The following CAPN6 variants were observed in gnomAD, a reference collection of about 807,000 sequenced individuals.
CAPN6 encodes the protein calpain 6, also known as calpain-6.
CAPN6 carries 16 observed loss-of-function variants against 46.0 expected under a neutral mutation model. The observed-to-expected ratio is 0.35, with a 90% CI of 0.24 to 0.53. CAPN6 has a LOEUF of 0.53. Ranked by LOEUF, CAPN6 falls within the 20% of genes least tolerant of loss-of-function variation. The pLI, the probability that CAPN6 is intolerant of heterozygous loss-of-function variation, is 0.94. For missense variants in CAPN6, 461 were observed against 498.0 expected, an observed-to-expected ratio of 0.93 and a Z score of 0.71; for synonymous variants, 206 against 172.8, an observed-to-expected ratio of 1.19 and a Z score of -1.51.
At chrX:111,263,069 C>T (rs2094989095) in intron 2 of CAPN6, among the ~76,000 whole-genome samples, 1 of 112,257 alleles carries the variant, frequency 8.9e-6, no homozygotes, top group Admixed American at 9.4e-5. Context: ...TGACAGGTAA[C>T]TCAGTAAAGA....
At chrX:111,249,111 C>G (rs17880042) in intron 8 of CAPN6, 54 bp from the exon 9 acceptor site, 6 of 1,166,581 alleles carry the variant, frequency 5.1e-6, no homozygotes, top group Admixed American at 2.3e-5. Context: ...TTCATATGAA[C>G]GAGCTTAAAT....
chrX:111,251,646 C>T lies in CAPN6; in HGVS notation c.796G>A (p.Glu266Lys). Reference protein sequence around the residue: ...MTDIRKIRLGERLVEVFSAEK... With the variant: ...MTDIRKIRLGKRLVEVFSAEK... ...GCACTGAAGACTTCCACAAGTCTCT[C>T]TCCAAGACGAATTTTGCGAATATCA... Residue 266 changes from glutamate (E) to lysine (K), a missense_variant, in exon 6 of 13, where the codon GAG (glutamate) becomes AAG (lysine). Coordinates refer to ENST00000324068, the MANE Select transcript of CAPN6 (RefSeq NM_014289.4). The T allele has an allele frequency of 8.3e-7, 1 of 1,209,442 alleles. No homozygotes were observed. The highest frequency in any genetic ancestry group is 1.1e-6 in the Non-Finnish European group (1 of 893,306).
At chrX:111,253,285 TA>T in intron 3 of CAPN6, 69 bp from the exon 4 acceptor site, 1 of 870,771 alleles carries the variant, frequency 1.1e-6, no homozygotes, top group Non-Finnish European at 1.7e-6. Flanking sequence ...GATTACAGTT[TA>T]CTCCTGGCAA....
Position 111,248,738 on chromosome X carries a change from G to C in CAPN6, c.1315C>G (p.Leu439Val). 8.3e-7 allele frequency: 1 copy of C among 1,211,424 alleles called. No individual in the cohort carries two copies. The highest frequency in any genetic ancestry group is 1.1e-6 in the Non-Finnish European group (1 of 895,247). Residue 439 changes from leucine (L) to valine (V), a missense_variant, in exon 10 of 13, where the codon CTC (leucine) becomes GTC (valine). Coordinates refer to ENST00000324068, the MANE Select transcript of CAPN6 (RefSeq NM_014289.4). The stretch of plus-strand genomic sequence containing the variant: ...GTCCCAGCACGCTCCTGGATGTAGA[G>C]GTGGTGGAGGCGGAATTTGCGGTTC... Reference protein sequence around the residue: ...EMNRKFRLHHLYIQERAGTST... With the variant: ...EMNRKFRLHHVYIQERAGTST...
intron 10 of CAPN6, among the ~76,000 whole-genome samples, chrX:111,248,341 C>T (rs2094976249): frequency 8.9e-6 from 1 of 112,230 alleles, no homozygotes; most frequent in Non-Finnish European, 1.9e-5. Flanking sequence ...GACTATAGGC[C>T]TGTTCCTCTT....
chrX:111,258,666 C>T (rs748810297), intron 2 of CAPN6, among the ~76,000 whole-genome samples: 1 of 111,491 alleles, frequency 9.0e-6, no homozygotes, highest in East Asian at 2.8e-4. Flanking sequence ...CTTCCTAACC[C>T]ATCCAAGGAA....
chrX:111,265,927 A>G (rs1175638696), intron 1 of CAPN6, among the ~76,000 whole-genome samples: 1 of 111,467 alleles, frequency 9.0e-6, no homozygotes, highest in Non-Finnish European at 1.9e-5. Context: ...CACCAATTGA[A>G]AGGAAAATCA....
At chrX:111,264,438 A>C (rs2094990283) in intron 1 of CAPN6, among the ~76,000 whole-genome samples, 1 of 111,865 alleles carries the variant, frequency 8.9e-6, no homozygotes, top group Non-Finnish European at 1.9e-5. Context: ...TTTCCATTCC[A>C]GCAAGTCTTT....
In CAPN6 at chrX:111,248,600, T is replaced by C; in HGVS notation, c.1453A>G (p.Arg485Gly). 1 of 1,209,625 alleles carries C rather than the reference T, an allele frequency of 8.3e-7. No individual in the cohort carries two copies. Reference protein sequence around the residue: ...QHGRTSEFLLRIFSEVPVQLR... With the variant: ...QHGRTSEFLLGIFSEVPVQLR... ...TGGACAGGCACTTCAGAGAAGATTC[T>C]CAGGAGAAACTCGCTGGTGCGACCA... The change falls in exon 10 of 13, where the codon AGA becomes GGA. Residue 485 changes from arginine (R) to glycine (G), a missense_variant. Transcript: ENST00000324068.
At chrX:111,248,460 T>C in intron 10 of CAPN6, 109 bp downstream of exon 10, 1 of 579,328 alleles carries the variant, frequency 1.7e-6, no homozygotes, top group Non-Finnish European at 2.9e-6. Context: ...AAGTCTGATT[T>C]AAACAAGTTG....
chrX:111,252,461 A>G lies in CAPN6; in HGVS notation c.545T>C (p.Ile182Thr). The change falls in exon 5 of 13, where the codon ATC becomes ACC. Residue 182 changes from isoleucine (I) to threonine (T), a missense_variant. By Grantham distance (89) the Ile-to-Thr change is moderately conservative. Coordinates refer to ENST00000324068, the MANE Select transcript of CAPN6 (RefSeq NM_014289.4). ...CGTGAAGTCCACAATAATATCAGTG[A>G]TGGTCAAACCATCCAGGGCCTCATA... ...GCYEALDGLT[I>T]TDIIVDFTGT... 8.3e-7 allele frequency: 1 copy of G among 1,210,451 alleles called. No homozygotes were observed. The highest frequency in any genetic ancestry group is 1.1e-6 in the Non-Finnish European group (1 of 894,859).
Position 111,247,354 on chromosome X carries a change from G to A in CAPN6, c.1743+14C>T, listed in dbSNP as rs750049280. On this transcript the variant is annotated intron_variant, in intron 12 of 12. Transcript: ENST00000324068. ...AGTATGAGCCTTTCTGGCGACCCCT[G>A]TACACACTCTTACCTGTACTATAAT... is the stretch of plus-strand genomic sequence containing the variant. 3 of 1,198,102 alleles carry A rather than the reference G, an allele frequency of 2.5e-6. No homozygotes were observed. In the East Asian group the frequency reaches 8.9e-5, roughly 36 times the overall value.
At position 111,251,300 on chromosome X, in the gene CAPN6, GAAA is replaced by G; in HGVS notation, c.894-17_894-15del. 2.6e-5 allele frequency: 24 copies of G among 927,853 alleles called. No individual in the cohort carries two copies. Among genetic ancestry groups the G allele is most frequent in the East Asian group, 3.5e-5 (1 of 28,568 alleles). The allele number at this position is 927,853 out of a possible 1,213,427, so 76.5% of individuals were successfully genotyped here. Reference sequence around the variant, plus strand: ...CACTCTTCAGAACTGAAAGTAAATAGAAAAAAAAAAAAAAGATAAATCATTATG... The same window carrying G: ...CACTCTTCAGAACTGAAAGTAAATAGAAAAAAAAAAAGATAAATCATTATG... On this transcript the variant is annotated splice_polypyrimidine_tract_variant and intron_variant, in intron 6 of 12. Transcript: ENST00000324068.
intron 8 of CAPN6, among the ~76,000 whole-genome samples, chrX:111,250,068 A>G (rs1364165154): frequency 1.8e-5 from 2 of 110,242 alleles, no homozygotes; most frequent in Admixed American, 1.9e-4. Flanking sequence ...GTGTGGGGGG[A>G]GATAGGATAT....
In CAPN6 at chrX:111,253,013, A is replaced by G. The variant is rs775950239; in HGVS notation, c.501T>C (p.Tyr167=). 2.2e-5 allele frequency: 26 copies of G among 1,205,890 alleles called. No individual in the cohort carries two copies. Among genetic ancestry groups the G allele is most frequent in the African/African-American group, 1.8e-4 (10 of 57,084 alleles). ...EFWNALLEKA[Y]AKLLGCYEAL... ...CTAGTCAATCACCTCCTTACTTTGC[A>G]TAAGCTTTTTCCAGCAGAGCATTCC... The change falls in exon 4 of 13, where the codon TAT becomes TAC. Residue 167 remains tyrosine (Y), a synonymous_variant. Transcript: ENST00000324068.
chrX:111,248,074 C>T, intron 10 of CAPN6, 82 bp from the exon 11 acceptor site: 1 of 967,341 alleles, frequency 1.0e-6, no homozygotes, highest in South Asian at 2.1e-5. Context: ...GACATCATTG[C>T]TGAAAAGCAT....
At chrX:111,264,737 C>A (rs1364299243) in intron 1 of CAPN6, among the ~76,000 whole-genome samples, 2 of 109,854 alleles carry the variant, frequency 1.8e-5, no homozygotes, top group African/African-American at 6.6e-5. Flanking sequence ...AAAACAAAAA[C>A]CTTACATGGC....
chrX:111,253,439 A>G (rs1057415080), intron 3 of CAPN6, among the ~76,000 whole-genome samples: 10 of 112,502 alleles, frequency 8.9e-5, no homozygotes, highest in African/African-American at 3.2e-4. Flanking sequence ...GTCTAAATGC[A>G]CACAGGAGTA....
intron 1 of CAPN6, among the ~76,000 whole-genome samples, chrX:111,268,795 G>T (rs1030993055): frequency 8.9e-6 from 1 of 112,128 alleles, no homozygotes; most frequent in Admixed American, 9.4e-5. Flanking sequence ...AAATCACTTA[G>T]TACAACTTCT....
Sources: gnomAD v4.1 joint callset for allele counts (sites outside exome capture counted in the v4.1 genomes callset) on GRCh38, gnomAD v4.1.1 for gene constraint, MANE v1.5 for transcripts, NCBI Gene and HGNC (gene_info 2026-07-23, HGNC 2026-07-21) for gene names.